MYO1D: variants seen among roughly 807,000 people sequenced by gnomAD.
The protein encoded by MYO1D is unconventional myosin-Id.
Under a neutral mutation model 122.0 loss-of-function variants are expected in MYO1D, and 83 were observed. The ratio of observed to expected loss-of-function variants is 0.68; its 90% confidence interval spans 0.57 to 0.82. MYO1D has a LOEUF of 0.82. MYO1D is among the 40% of genes least tolerant of loss of function. The probability of loss-of-function intolerance (pLI) is 0.00; values close to 1 mark genes in which losing one functional copy is unlikely to be tolerated. For missense variants in MYO1D, 1,157 were observed against 1,269.5 expected (o/e 0.91, Z 1.35); for synonymous variants, 464 against 446.9 (o/e 1.04, Z -0.48).
chr17:32,510,824 T>C (rs1256661913), intron 21 of MYO1D: 1 of 152,216 alleles, frequency 6.6e-6, no homozygotes, highest in Non-Finnish European at 1.5e-5. Flanking sequence ...TTGGAATCTG[T>C]ACTCTTTAAA....
chr17:32,681,554 G>T (rs1162091410), intron 16 of MYO1D, among the ~76,000 whole-genome samples: 2 of 151,570 alleles, frequency 1.3e-5, no homozygotes, highest in African/African-American at 4.9e-5. Context: ...CCATGTAGTT[G>T]AGCGGCTTTG....
chr17:32,527,101 T>C (rs1389564952), intron 21 of MYO1D, among the ~76,000 whole-genome samples: 2 of 152,214 alleles, frequency 1.3e-5, no homozygotes. Flanking sequence ...CAGTGGGGTC[T>C]TTCCCCGGCC....
intron 21 of MYO1D, among the ~76,000 whole-genome samples, chr17:32,506,770 A>G (rs903535785): frequency 6.6e-6 from 1 of 152,242 alleles, no homozygotes; most frequent in African/African-American, 2.4e-5. Context: ...AATATGATAC[A>G]TAAATCAAAT....
intron 8 of MYO1D, among the ~76,000 whole-genome samples, chr17:32,762,008 C>T (rs2151017021): frequency 6.6e-6 from 1 of 152,074 alleles, no homozygotes; most frequent in Admixed American, 6.6e-5. Flanking sequence ...CTCACTTGCC[C>T]CCCACCTCGC....
intron 1 of MYO1D, among the ~76,000 whole-genome samples, chr17:32,809,122 T>G (rs1345737191): frequency 7.1e-6 from 1 of 140,156 alleles, no homozygotes; most frequent in East Asian, 2.1e-4. Flanking sequence ...TTTTATTCAT[T>G]TTTGTTTTTG....
At chr17:32,768,039 C>A (rs1419537654) in intron 6 of MYO1D, among the ~76,000 whole-genome samples, 2 of 152,232 alleles carry the variant, frequency 1.3e-5, no homozygotes, top group African/African-American at 2.4e-5. Context: ...GCTGATCCCC[C>A]ACTCCATGAT....
intron 1 of MYO1D, among the ~76,000 whole-genome samples, chr17:32,783,003 A>G (rs1276125751): frequency 6.6e-6 from 1 of 152,174 alleles, no homozygotes; most frequent in African/African-American, 2.4e-5. Flanking sequence ...AAATATCTAT[A>G]TAACAACTGT....
chr17:32,572,892 C>T (rs529244022), intron 21 of MYO1D, among the ~76,000 whole-genome samples: 1 of 152,226 alleles, frequency 6.6e-6, no homozygotes, highest in South Asian at 2.1e-4. Flanking sequence ...GCAACCTCTT[C>T]TCCCTAGCTA....
At chr17:32,526,476 T>A (rs893580674) in intron 21 of MYO1D, among the ~76,000 whole-genome samples, 5 of 152,250 alleles carry the variant, frequency 3.3e-5, no homozygotes, top group Admixed American at 6.5e-5. Context: ...AATGTGGCAC[T>A]ACAGACTCCT....
chr17:32,810,355 C>T (rs753672384), intron 1 of MYO1D, among the ~76,000 whole-genome samples: 1 of 152,242 alleles, frequency 6.6e-6, no homozygotes, highest in Admixed American at 6.5e-5. Context: ...GTTGGGTGTC[C>T]TGTGTCAGAA....
At chr17:32,618,150 A>C (rs1252309655) in intron 20 of MYO1D, among the ~76,000 whole-genome samples, 1 of 152,230 alleles carries the variant, frequency 6.6e-6, no homozygotes, top group Non-Finnish European at 1.5e-5. Flanking sequence ...AACAAAACCT[A>C]TTTCTACAAA....
intron 20 of MYO1D, among the ~76,000 whole-genome samples, chr17:32,618,373 C>G (rs763789541): frequency 2.0e-5 from 3 of 152,160 alleles, no homozygotes; most frequent in Non-Finnish European, 4.4e-5. Flanking sequence ...AGCCACTCAG[C>G]AAAACTCTTC....
rs143471442 is a variant in MYO1D at position 32,873,199 on chromosome 17, T to C, written c.95+3579A>G. The stretch of plus-strand genomic sequence containing the variant: ...TTTCCCTCTCTACAAAAAAATGTTG[T>C]CATGAAGGAATGTACTCTGTACCCA... On this transcript the variant is annotated intron_variant, in intron 1 of 21. Coordinates refer to ENST00000318217, the MANE Select transcript of MYO1D (RefSeq NM_015194.3). 1.6e-3 allele frequency among the ~76,000 whole-genome samples: 243 copies of C among 152,238 alleles called. 1 individual carries two copies. The highest frequency in any genetic ancestry group is 5.6e-3 in the African/African-American group (232 of 41,548).
intron 15 of MYO1D, among the ~76,000 whole-genome samples, chr17:32,719,637 A>G (rs2089487538): frequency 6.6e-6 from 1 of 152,166 alleles, no homozygotes; most frequent in South Asian, 2.1e-4. Flanking sequence ...GATGTGAGCC[A>G]CTGCGCCTGG....
In MYO1D at chr17:32,711,116, T is replaced by C. The variant is rs142585604; in HGVS notation, c.2121+872A>G. On this transcript the variant is annotated intron_variant, in intron 16 of 21. Transcript: ENST00000318217. The stretch of plus-strand genomic sequence containing the variant: ...ATTTTTCATATAGCTCTACAATTTT[T>C]TGCATTATTTTAGTTCATATGGAAG... Among the ~76,000 whole-genome samples the C allele has an allele frequency of 9.9e-5, 15 of 152,282 alleles. No individual in the cohort carries two copies. The East Asian group carries it at 2.3e-3, about 24-fold the overall frequency.
chr17:32,698,140 T>C lies in MYO1D; in HGVS notation c.2121+13848A>G, dbSNP rs1383873701. 3.9e-5 allele frequency among the ~76,000 whole-genome samples: 6 copies of C among 152,244 alleles called. No homozygotes were observed. In the East Asian group the frequency reaches 1.2e-3, roughly 29 times the overall value. Reference sequence around the variant, plus strand: ...TGGACACTCATTCACAAGGTTCTTGTAATGACTTAGTTAAATAACCAGAAT... The same window carrying C: ...TGGACACTCATTCACAAGGTTCTTGCAATGACTTAGTTAAATAACCAGAAT... On this transcript the variant is annotated intron_variant, in intron 16 of 21. Transcript: ENST00000318217.
chr17:32,559,410 A>G (rs1220104774), intron 21 of MYO1D, among the ~76,000 whole-genome samples: 1 of 152,224 alleles, frequency 6.6e-6, no homozygotes, highest in Non-Finnish European at 1.5e-5. Context: ...TGAAACTCGG[A>G]GCTGAGTCTC....
intron 19 of MYO1D, among the ~76,000 whole-genome samples, chr17:32,639,958 A>G (rs1409900547): frequency 6.6e-6 from 1 of 152,170 alleles, no homozygotes; most frequent in Non-Finnish European, 1.5e-5. Flanking sequence ...TATTTAGCTA[A>G]TGAAATTAAG....
At chr17:32,738,498 A>T (rs924629088) in intron 13 of MYO1D, 113 bp from the exon 14 acceptor site, 25 of 1,103,778 alleles carry the variant, frequency 2.3e-5, no homozygotes, top group Non-Finnish European at 2.9e-5. Flanking sequence ...CTACAGATTC[A>T]ACTCACAAGG....
Sources: allele counts gnomAD v4.1 joint callset (sites outside exome capture counted in the v4.1 genomes callset), GRCh38; gene constraint gnomAD v4.1.1; transcripts MANE v1.5; gene names NCBI Gene and HGNC (gene_info 2026-07-23, HGNC 2026-07-21).